CASK: variants seen among roughly 807,000 people sequenced by gnomAD.
The protein encoded by CASK is peripheral plasma membrane protein CASK.
A neutral mutation model predicts 82.9 loss-of-function variants in CASK; 4 were observed. The observed-to-expected ratio is 0.05, with a 90% CI of 0.02 to 0.11. The LOEUF is 0.11. Among genes scored for constraint, CASK ranks in the 10% least tolerant of loss-of-function variants. The probability of loss-of-function intolerance (pLI) is 1.00; values close to 1 mark genes in which losing one functional copy is unlikely to be tolerated. For synonymous variants in CASK, 259 were observed against 253.5 expected (o/e 1.02, Z -0.20); for missense variants, 358 against 720.9 (o/e 0.50, Z 5.76).
intron 2 of CASK, among the ~76,000 whole-genome samples, chrX:41,791,008 C>T (rs2069701320): frequency 9.0e-6 from 1 of 111,721 alleles, no homozygotes; most frequent in Admixed American, 9.5e-5. Context: ...TATCTGACTG[C>T]TTACAGATGT....
chrX:41,575,982 CT>C (rs1308422322), intron 15 of CASK, among the ~76,000 whole-genome samples: 7 of 104,608 alleles, frequency 6.7e-5, no homozygotes, highest in South Asian at 4.2e-4. Context: ...CTTTTCTTTT[CT>C]TTTTTTTTTG....
chrX:41,712,933 C>G (rs2068002565), intron 5 of CASK, among the ~76,000 whole-genome samples: 1 of 111,691 alleles, frequency 9.0e-6, no homozygotes, highest in Admixed American at 9.5e-5. Context: ...CCAGAGCCAA[C>G]CAATCAGCAC....
chrX:41,886,367 C>A (rs1195408), intron 1 of CASK, among the ~76,000 whole-genome samples: 21,376 of 110,955 alleles, frequency 0.19, 1,612 homozygotes, highest in Middle Eastern at 0.28. Flanking sequence ...CCCCTCGGAA[C>A]GTCTAGAATG....
At chrX:41,783,548 C>CA (rs1181405339) in intron 3 of CASK, among the ~76,000 whole-genome samples, 2,023 of 50,789 alleles carry the variant, frequency 0.04, 40 homozygotes, top group African/African-American at 0.082. Flanking sequence ...GACTCTGTCT[C>CA]AAAAAAAAAA....
intron 3 of CASK, among the ~76,000 whole-genome samples, chrX:41,762,875 T>C (rs1304706825): frequency 1.8e-5 from 2 of 111,360 alleles, no homozygotes; most frequent in African/African-American, 6.5e-5. Flanking sequence ...TGCCTCTCTC[T>C]TTTCCCACTC....
chrX:41,876,484 A>G (rs1180675879), intron 1 of CASK, among the ~76,000 whole-genome samples: 2 of 111,523 alleles, frequency 1.8e-5, no homozygotes, highest in African/African-American at 6.5e-5. Context: ...TCTAATCTTT[A>G]TCTCTTTCAT....
intron 3 of CASK, among the ~76,000 whole-genome samples, chrX:41,766,880 C>T (rs188951015): frequency 1.8e-5 from 2 of 111,284 alleles, no homozygotes; most frequent in African/African-American, 6.5e-5. Context: ...GAGTGAGACC[C>T]TGTTTCAAAA....
intron 2 of CASK, among the ~76,000 whole-genome samples, chrX:41,848,201 A>G (rs1452236955): frequency 8.9e-6 from 1 of 111,841 alleles, no homozygotes; most frequent in Non-Finnish European, 1.9e-5. Context: ...GCACTGGGTG[A>G]TCTCTGAGTC....
In CASK at chrX:41,918,061, T is replaced by A. The variant is rs534810506; in HGVS notation, c.59+4869A>T. ...CACGATCACTGGTATTTCTGGAATA[T>A]CTACTCATTTCTGGAAAATTCTCGG... is the stretch of plus-strand genomic sequence containing the variant. On this transcript the variant is annotated intron_variant, in intron 1 of 26. Transcript: ENST00000378163. Among the ~76,000 whole-genome samples the A allele has an allele frequency of 1.3e-4, 15 of 112,302 alleles. No individual in the cohort carries two copies. In the East Asian group the frequency reaches 3.1e-3, roughly 23 times the overall value.
At chrX:41,922,817 G>C in intron 1 of CASK, 113 bp downstream of exon 1, 1 of 625,992 alleles carries the variant, frequency 1.6e-6, no homozygotes, top group Admixed American at 2.5e-5. Flanking sequence ...AGGACGAGAG[G>C]GGAAGAGGGG....
At chrX:41,806,190 T>G (rs1243295604) in intron 2 of CASK, among the ~76,000 whole-genome samples, 1 of 112,036 alleles carries the variant, frequency 8.9e-6, no homozygotes, top group African/African-American at 3.2e-5. Context: ...ATTTGGACTG[T>G]CTGGTATATT....
At chrX:41,612,816 G>A (rs1250898317) in intron 11 of CASK, among the ~76,000 whole-genome samples, 2 of 94,013 alleles carry the variant, frequency 2.1e-5, no homozygotes, top group Non-Finnish European at 2.1e-5. Flanking sequence ...GCCTCTGCCT[G>A]GCCGCCCCTA....
chrX:41,848,362 T>C, intron 2 of CASK, among the ~76,000 whole-genome samples: 1 of 112,219 alleles, frequency 8.9e-6, no homozygotes, highest in South Asian at 3.7e-4. Context: ...ATGAATGCCT[T>C]GGTGCCATCC....
chrX:41,728,321 C>T, intron 5 of CASK: 1 of 205,298 alleles, frequency 4.9e-6, no homozygotes, highest in Admixed American at 7.1e-5. Flanking sequence ...ACTGTCAGTG[C>T]TTCTGTTCAG....
chrX:41,710,249 T>C (rs1416176995), intron 5 of CASK, among the ~76,000 whole-genome samples: 4 of 110,946 alleles, frequency 3.6e-5, no homozygotes, highest in Non-Finnish European at 7.5e-5. Context: ...CAGAAAAGAA[T>C]GGTTAGTTCT....
intron 3 of CASK, among the ~76,000 whole-genome samples, chrX:41,753,994 T>C (rs1305966257): frequency 8.9e-6 from 1 of 112,420 alleles, no homozygotes; most frequent in Non-Finnish European, 1.9e-5. Context: ...AATAAATCAT[T>C]AGAAAATATT....
intron 5 of CASK, among the ~76,000 whole-genome samples, chrX:41,711,822 C>G (rs2067981268): frequency 8.9e-6 from 1 of 112,164 alleles, no homozygotes; most frequent in Non-Finnish European, 1.9e-5. Flanking sequence ...CTGAGAGAGA[C>G]AAACCACCCG....
intron 1 of CASK, among the ~76,000 whole-genome samples, chrX:41,911,135 T>G (rs1296472365): frequency 9.0e-6 from 1 of 111,721 alleles, no homozygotes; most frequent in Non-Finnish European, 1.9e-5. Context: ...TTTAAAAAAT[T>G]TATTAAAAAG....
intron 5 of CASK, among the ~76,000 whole-genome samples, chrX:41,720,810 T>C (rs1470870441): frequency 2.7e-5 from 3 of 111,283 alleles, no homozygotes; most frequent in African/African-American, 9.8e-5. Context: ...CCACCATGGA[T>C]TGCCAAAATA....
Sources: gnomAD v4.1 joint callset for allele counts (sites outside exome capture counted in the v4.1 genomes callset) on GRCh38, gnomAD v4.1.1 for gene constraint, MANE v1.5 for transcripts, NCBI Gene and HGNC (gene_info 2026-07-23, HGNC 2026-07-21) for gene names.